The following AACS variants were observed in gnomAD, a reference collection of about 807,000 sequenced individuals.
AACS encodes the protein acetoacetate-CoA ligase.
AACS carries 69 observed loss-of-function variants against 83.1 expected under a neutral mutation model. The observed-to-expected ratio is 0.83, with a 90% CI of 0.68 to 1.01. The LOEUF (loss-of-function observed/expected upper bound fraction) is 1.01, where lower values mean the gene tolerates loss of function less well. AACS is among the 50% of genes least tolerant of loss of function. The probability of loss-of-function intolerance (pLI) is 0.00; values close to 1 mark genes in which losing one functional copy is unlikely to be tolerated. For synonymous variants in AACS, 333 were observed against 343.4 expected, an observed-to-expected ratio of 0.97 and a Z score of 0.33; for missense variants, 866 against 882.2, an observed-to-expected ratio of 0.98 and a Z score of 0.23.
rs1208735730 is a variant in AACS, at chr12:125,065,452, C to T, written c.-133C>T. 6 of 1,015,988 alleles carry T rather than the reference C, an allele frequency of 5.9e-6. 1 individual carries two copies. Among genetic ancestry groups the T allele is most frequent in the South Asian group, 5.4e-5 (2 of 37,370 alleles). The allele number at this position is 1,015,988 out of a possible 1,614,324, so 62.9% of individuals were successfully genotyped here. The stretch of plus-strand genomic sequence containing the variant: ...GGCCGTTCAGTCCCTTGTTCCCCGC[C>T]GCCGCCGTCGCTGACCCAGCCCGCC... On this transcript the variant is annotated 5_prime_UTR_variant, in exon 1 of 18. Transcript: ENST00000316519.
At chr12:125,082,695 C>G (rs1956222994) in intron 3 of AACS, among the ~76,000 whole-genome samples, 1 of 151,978 alleles carries the variant, frequency 6.6e-6, no homozygotes, top group Non-Finnish European at 1.5e-5. Context: ...GTGGCGGGTG[C>G]CTGTAGTACC....
chr12:125,142,420 T>A lies in AACS; in HGVS notation c.*191T>A, dbSNP rs866762427. On this transcript the variant is annotated 3_prime_UTR_variant, in exon 18 of 18. Transcript: ENST00000316519. ...ACCTGGATCTTCCACACGAGTGGGATTCTGGCCTTCAGAGACCAGGAGGGA... is the reference window on the plus strand; with the variant it reads ...ACCTGGATCTTCCACACGAGTGGGAATCTGGCCTTCAGAGACCAGGAGGGA... The A allele has an allele frequency of 1.3e-6, 1 of 772,422 alleles. No individual in the cohort carries two copies. Among genetic ancestry groups the A allele is most frequent in the Middle Eastern group, 3.7e-4 (1 of 2,670 alleles). 47.8% of individuals were successfully genotyped at this position (772,422 alleles called of 1,614,324 possible). A position where few individuals can be genotyped will look rare whatever the true frequency, so the allele number is the denominator to read the frequency against.
intron 5 of AACS, among the ~76,000 whole-genome samples, chr12:125,095,706 G>A (rs1445674280): frequency 2.6e-5 from 4 of 152,328 alleles, no homozygotes; most frequent in Middle Eastern, 3.4e-3. Flanking sequence ...GACTCCAGCG[G>A]CTTTCTGGGT....
At position 125,072,997 on chromosome 12, in the gene AACS, G is replaced by A. The variant is rs550227841; in HGVS notation, c.134-879G>A. On this transcript the variant is annotated intron_variant, in intron 1 of 17. Transcript: ENST00000316519. ...GGCTAGAGTGCAGTGGCGCGATCTC[G>A]GCTCACTTCATCCTCGGCCTCCCAG... Among the ~76,000 whole-genome samples, 254 of 141,102 alleles carry A rather than the reference G, an allele frequency of 1.8e-3. 3 individuals are homozygous for A. Among genetic ancestry groups the A allele is most frequent in the Admixed American group, 6.8e-3 (86 of 12,710 alleles). 92.6% of individuals were successfully genotyped at this position (141,102 alleles called of 152,430 possible). A position where few individuals can be genotyped will look rare whatever the true frequency, so the allele number is the denominator to read the frequency against.
intron 3 of AACS, among the ~76,000 whole-genome samples, chr12:125,085,241 C>G (rs765448456): frequency 6.6e-5 from 10 of 152,356 alleles, no homozygotes; most frequent in South Asian, 4.1e-4. Flanking sequence ...TTCCTGGAAC[C>G]ACACATATGC....
chr12:125,075,043 C>T (rs1400041572), intron 2 of AACS, among the ~76,000 whole-genome samples: 2 of 141,708 alleles, frequency 1.4e-5, no homozygotes, highest in South Asian at 2.2e-4. Flanking sequence ...GGTGTGATCT[C>T]GGCTCACTGC....
intron 3 of AACS, among the ~76,000 whole-genome samples, chr12:125,078,851 C>T (rs1441491430): frequency 1.4e-5 from 2 of 147,456 alleles, no homozygotes; most frequent in Non-Finnish European, 3.0e-5. Context: ...AAAAAGCCTC[C>T]TCTGCAAGGA....
intron 3 of AACS, among the ~76,000 whole-genome samples, chr12:125,080,854 G>T (rs1008852216): frequency 8.6e-5 from 13 of 151,570 alleles, no homozygotes; most frequent in African/African-American, 2.9e-4. Context: ...ACCACGCCTG[G>T]CTAATTTTTT....
intron 3 of AACS, among the ~76,000 whole-genome samples, chr12:125,077,157 C>T (rs1956045424): frequency 6.6e-6 from 1 of 150,982 alleles, no homozygotes; most frequent in African/African-American, 2.4e-5. Context: ...CTCAAGCAGT[C>T]CTCTCATCTT....
chr12:125,112,849 G>T (rs1347735266), intron 8 of AACS, among the ~76,000 whole-genome samples: 1 of 152,144 alleles, frequency 6.6e-6, no homozygotes, highest in Non-Finnish European at 1.5e-5. Context: ...AGAACCAAAT[G>T]AAATGGGCTT....
At chr12:125,104,868 T>C (rs1956798459) in intron 7 of AACS, among the ~76,000 whole-genome samples, 1 of 152,168 alleles carries the variant, frequency 6.6e-6, no homozygotes, top group Admixed American at 6.5e-5. Flanking sequence ...GAGGTTTAAT[T>C]GGCTTATGGT....
rs1400949890 is a variant in AACS at position 125,107,202 on chromosome 12, C to T, written c.849C>T (p.His283=). The T allele has an allele frequency of 9.3e-6, 15 of 1,614,174 alleles. No individual in the cohort carries two copies. In the South Asian group the frequency reaches 1.4e-4, roughly 15 times the overall value. Residue 283 remains histidine (H), a synonymous_variant, in exon 8 of 18, where the codon CAC becomes CAT. Transcript: ENST00000316519. ...AGTTCGAGCAGCTGCCCTTCAGCCA[C>T]CCACTGTTCATCATGTTCTCATCGG... ...QLEFEQLPFS[H]PLFIMFSSGT...
chr12:125,091,203 C>A (rs886284974), intron 4 of AACS: 10 of 570,042 alleles, frequency 1.8e-5, no homozygotes, highest in Middle Eastern at 3.8e-4. Context: ...CCCACGGGGT[C>A]ATTGTCATCA....
intron 7 of AACS, among the ~76,000 whole-genome samples, chr12:125,103,763 C>T (rs1288574973): frequency 6.6e-6 from 1 of 151,876 alleles, no homozygotes; most frequent in Non-Finnish European, 1.5e-5. Context: ...CCGAGGCAGG[C>T]GGATCACGAG....
In AACS at chr12:125,111,958, C is replaced by T. The variant is rs140403043; in HGVS notation, c.916-2519C>T. 1.5e-3 allele frequency among the ~76,000 whole-genome samples: 230 copies of T among 152,300 alleles called. 1 individual carries two copies. The highest frequency in any genetic ancestry group is 5.3e-3 in the African/African-American group (222 of 41,566). On this transcript the variant is annotated intron_variant, in intron 8 of 17. Transcript: ENST00000316519. ...ATCTGAGAGAATGAGGCTAATGAAC[C>T]ACTGAACGAAGGTGGGCTCCTATCT...
chr12:125,142,137 A>G lies in AACS; in HGVS notation c.1927A>G (p.Ile643Val). The G allele has an allele frequency of 6.2e-6, 10 of 1,614,150 alleles. No individual in the cohort carries two copies. The highest frequency in any genetic ancestry group is 6.8e-6 in the Non-Finnish European group (8 of 1,180,026). Reference protein sequence around the residue: ...KKVEVAVKQIIAGKAVEQGGA... With the variant: ...KKVEVAVKQIVAGKAVEQGGA... Reference sequence around the variant, plus strand: ...AGTGGAAGTTGCCGTCAAACAGATCATCGCTGGAAAAGCCGTGGAGCAAGG... The same window carrying G: ...AGTGGAAGTTGCCGTCAAACAGATCGTCGCTGGAAAAGCCGTGGAGCAAGG... Residue 643 changes from isoleucine (I) to valine (V), a missense_variant, in exon 18 of 18, where the codon ATC (isoleucine) becomes GTC (valine). Ile to Val is a conservative substitution (Grantham distance 29). Transcript: ENST00000316519.
At chr12:125,118,547 T>G (rs1957097891) in intron 9 of AACS, 94 bp from the exon 10 acceptor site, 1 of 1,541,836 alleles carries the variant, frequency 6.5e-7, no homozygotes, top group Non-Finnish European at 8.8e-7. Flanking sequence ...GGCTCCATCT[T>G]AGGTGGTTTC....
In AACS at chr12:125,076,578, A is replaced by T; in HGVS notation, c.325A>T (p.Lys109Ter). The stretch of plus-strand genomic sequence containing the variant: ...CTATGCAGAAAACCTCCTGCGGCAC[A>T]AAGAGAATGACAGAGTTGCCCTTTA... ...LNYAENLLRH[K>*]ENDRVALYIA... Residue 109 changes from lysine (K) to a stop codon, truncating the protein, a stop_gained, in exon 3 of 18, where the codon AAA (lysine) becomes TAA (stop). Coordinates refer to ENST00000316519, the MANE Select transcript of AACS (RefSeq NM_023928.5). LOFTEE classifies it high-confidence loss of function. 1 of 1,614,172 alleles carries T rather than the reference A, an allele frequency of 6.2e-7. No homozygotes were observed. The highest frequency in any genetic ancestry group is 8.5e-7 in the Non-Finnish European group (1 of 1,180,020).
At position 125,136,865 on chromosome 12, in the gene AACS, G is replaced by A; in HGVS notation, c.1881+1G>A. On this transcript the variant is annotated splice_donor_variant, in intron 17 of 17. Coordinates refer to ENST00000316519, the MANE Select transcript of AACS (RefSeq NM_023928.5). LOFTEE classifies it high-confidence loss of function. ...CATCCTGGAAACCAAGGGCATCCCG[G>A]TATGGCCATCTCCCGCCAGCGAGGA... 1.2e-6 allele frequency: 2 copies of A among 1,612,682 alleles called. No individual in the cohort carries two copies. Among genetic ancestry groups the A allele is most frequent in the African/African-American group, 2.7e-5 (2 of 75,034 alleles).
Sources: gnomAD v4.1 joint callset for allele counts (sites outside exome capture counted in the v4.1 genomes callset) on GRCh38, gnomAD v4.1.1 for gene constraint, MANE v1.5 for transcripts, NCBI Gene and HGNC (gene_info 2026-07-23, HGNC 2026-07-21) for gene names.